The following ERCC1 variants were observed in gnomAD, a reference collection of about 807,000 sequenced individuals.
ERCC1 encodes ERCC excision repair 1, endonuclease non-catalytic subunit, also known as DNA excision repair protein ERCC-1.
Under a neutral mutation model 37.6 loss-of-function variants are expected in ERCC1, and 36 were observed. The observed-to-expected ratio is 0.96, with a 90% CI of 0.73 to 1.26. The LOEUF (loss-of-function observed/expected upper bound fraction) is 1.26, where lower values mean the gene tolerates loss of function less well. Ranked by LOEUF, ERCC1 falls within the 50% of genes most tolerant of loss-of-function variation. The pLI, the probability that ERCC1 is intolerant of heterozygous loss-of-function variation, is 0.00. For synonymous variants in ERCC1, 156 were observed against 162.1 expected (o/e 0.96, Z 0.28); for missense variants, 349 against 376.5 (o/e 0.93, Z 0.60).
At chr19:45,442,325 A>G (rs1975142612) in intron 1 of ERCC1, among the ~76,000 whole-genome samples, 1 of 143,888 alleles carries the variant, frequency 6.9e-6, no homozygotes, top group South Asian at 2.4e-4. Flanking sequence ...CAAAAAAAAA[A>G]AAAAGAAAAA....
intron 9 of ERCC1, chr19:45,410,385 A>G (rs1973642424): frequency 6.6e-6 from 1 of 152,092 alleles, no homozygotes; most frequent in South Asian, 2.1e-4. Context: ...GGGTTTCACC[A>G]TATTGGCCAG....
chr19:45,413,791 T>C, intron 8 of ERCC1, 46 bp from the exon 9 acceptor site: 1 of 1,610,528 alleles, frequency 6.2e-7, no homozygotes, highest in South Asian at 1.1e-5. Context: ...CACAAAAGCC[T>C]CCCCTGTCCC....
At chr19:45,438,702 C>G (rs1204918077) in intron 1 of ERCC1, among the ~76,000 whole-genome samples, 1 of 152,002 alleles carries the variant, frequency 6.6e-6, no homozygotes, top group Non-Finnish European at 1.5e-5. Flanking sequence ...AGTGCAATGG[C>G]TGGATCTCGG....
In ERCC1 at chr19:45,423,843, A is replaced by G. The variant is rs1974592492; in HGVS notation, c.-70T>C. On this transcript the variant is annotated 5_prime_UTR_variant, in exon 1 of 10. Transcript: ENST00000300853. Reference sequence around the variant, plus strand: ...CTCACCTGCTGGTCTTGGAGCCTCAAGGGAAAGACTGCAGAGGGATCGAGG... The same window carrying G: ...CTCACCTGCTGGTCTTGGAGCCTCAGGGGAAAGACTGCAGAGGGATCGAGG... The G allele has an allele frequency of 7.9e-6, 9 of 1,137,534 alleles. No individual in the cohort carries two copies. The highest frequency in any genetic ancestry group is 3.2e-5 in the African/African-American group (2 of 63,398). 70.5% of individuals were successfully genotyped at this position (1,137,534 alleles called of 1,614,324 possible). A position where few individuals can be genotyped will look rare whatever the true frequency, so the allele number is the denominator to read the frequency against.
chr19:45,420,223 C>T lies in ERCC1; in HGVS notation c.425+101G>A. ...AAGGCCCAGAACCTGCAGGACCATG[C>T]CCAGAGGCTTCTCATAGAACAGTCC... On this transcript the variant is annotated intron_variant, in intron 4 of 9. Coordinates refer to ENST00000300853, the MANE Select transcript of ERCC1 (RefSeq NM_001983.4). The surrounding 1 kb of genome is among the most constrained non-coding windows in gnomAD (Gnocchi z 4.8). 4.9e-6 allele frequency: 4 copies of T among 819,374 alleles called. No homozygotes were observed. Among genetic ancestry groups the T allele is most frequent in the Non-Finnish European group, 8.2e-6 (4 of 486,830 alleles). 50.8% of individuals were successfully genotyped at this position (819,374 alleles called of 1,614,324 possible). A position where few individuals can be genotyped will look rare whatever the true frequency, so the allele number is the denominator to read the frequency against.
At chr19:45,447,121 G>T (rs1011736318) in intron 1 of ERCC1, among the ~76,000 whole-genome samples, 7 of 152,284 alleles carry the variant, frequency 4.6e-5, no homozygotes, top group South Asian at 2.1e-4. Context: ...CCAGCATCTG[G>T]CTCCCACATC....
At chr19:45,441,325 C>G (rs932719652) in intron 1 of ERCC1, among the ~76,000 whole-genome samples, 1 of 152,178 alleles carries the variant, frequency 6.6e-6, no homozygotes, top group Non-Finnish European at 1.5e-5. Context: ...TTGGGCCTGG[C>G]CCTGACCCTG....
chr19:45,423,887 G>T lies in ERCC1; in HGVS notation c.-114C>A, dbSNP rs1974597140. ...ATCGAGGCGGCCCACTGCCAGCACG[G>T]CCAGCGTGGCCCAGGGCTCGCAGCA... On this transcript the variant is annotated 5_prime_UTR_variant, in exon 1 of 10. Coordinates refer to ENST00000300853, the MANE Select transcript of ERCC1 (RefSeq NM_001983.4). 1.8e-6 allele frequency: 2 copies of T among 1,103,652 alleles called. No individual in the cohort carries two copies. Among genetic ancestry groups the T allele is most frequent in the Admixed American group, 9.1e-5 (2 of 21,892 alleles). The allele number at this position is 1,103,652 out of a possible 1,614,324, so 68.4% of individuals were successfully genotyped here.
chr19:45,443,531 C>G (rs566472859), intron 1 of ERCC1, among the ~76,000 whole-genome samples: 28 of 152,312 alleles, frequency 1.8e-4, no homozygotes, highest in African/African-American at 6.7e-4. Context: ...ACGTCACGAG[C>G]CGCTCCCCCA....
Position 45,408,106 on chromosome 19 carries a change from C to T in ERCC1, c.*1569G>A. ...CTTCCCTCTCCTGTTCCACTTAAGC[C>T]TCTGCCCTCCCTGTTTCTCTCTGTA... On this transcript the variant is annotated 3_prime_UTR_variant, in exon 10 of 10. Transcript: ENST00000300853. 6.4e-7 allele frequency: 1 copy of T among 1,566,772 alleles called. No homozygotes were observed.
intron 9 of ERCC1, 167 bp from the exon 10 acceptor site, chr19:45,409,892 A>AT (rs200386912): frequency 0.012 from 2,455 of 206,140 alleles, 17 homozygotes; most frequent in Middle Eastern, 0.017. Flanking sequence ...TATTATTATT[A>AT]TTATTTTTTT....
chr19:45,415,444 G>A (rs756591661), intron 6 of ERCC1, among the ~76,000 whole-genome samples: 3 of 149,886 alleles, frequency 2.0e-5, no homozygotes, highest in Non-Finnish European at 4.4e-5. Context: ...AGACCATCCC[G>A]ACTAACATGG....
intron 1 of ERCC1, among the ~76,000 whole-genome samples, chr19:45,443,282 G>T (rs1913130580): frequency 6.6e-6 from 1 of 152,148 alleles, no homozygotes; most frequent in African/African-American, 2.4e-5. Context: ...TCACTGCTGT[G>T]TCCCCATCAC....
intron 1 of ERCC1, among the ~76,000 whole-genome samples, chr19:45,447,278 T>TC (rs1302021048): frequency 6.7e-6 from 1 of 149,654 alleles, no homozygotes; most frequent in Non-Finnish European, 1.5e-5. Context: ...TTCTTTTTTT[T>TC]TTTTTTTTTT....
At chr19:45,430,644 G>A (rs993805063) in intron 1 of ERCC1, among the ~76,000 whole-genome samples, 1 of 152,118 alleles carries the variant, frequency 6.6e-6, no homozygotes, top group African/African-American at 2.4e-5. Context: ...GGGGCGCGGT[G>A]GCTCATGCCT....
In ERCC1 at chr19:45,409,045, C is replaced by T. The variant is rs201152485; in HGVS notation, c.*630G>A. Reference sequence around the variant, plus strand: ...AGCCGGAGATGAAGCCTCTGGAGTCCCCAGGGGGGACCATGGCGCCTCAAC... The same window carrying T: ...AGCCGGAGATGAAGCCTCTGGAGTCTCCAGGGGGGACCATGGCGCCTCAAC... On this transcript the variant is annotated 3_prime_UTR_variant, in exon 10 of 10. Coordinates refer to ENST00000300853, the MANE Select transcript of ERCC1 (RefSeq NM_001983.4). The T allele has an allele frequency of 5.0e-6, 8 of 1,614,016 alleles. No individual in the cohort carries two copies. The highest frequency in any genetic ancestry group is 1.3e-5 in the African/African-American group (1 of 75,016).
At chr19:45,435,459 C>T (rs1218790622) in intron 1 of ERCC1, among the ~76,000 whole-genome samples, 1 of 152,138 alleles carries the variant, frequency 6.6e-6, no homozygotes, top group East Asian at 1.9e-4. Flanking sequence ...ACTCAATAAA[C>T]ATTCTGGCCT....
chr19:45,423,397 C>A lies in ERCC1; in HGVS notation c.-7-16G>T. ...CATCTGGAGCCTGAAAGGGAAGGTGCCAGGAGCGAGTGAGCCACTGGCGTC... is the reference window on the plus strand; with the variant it reads ...CATCTGGAGCCTGAAAGGGAAGGTGACAGGAGCGAGTGAGCCACTGGCGTC... On this transcript the variant is annotated splice_polypyrimidine_tract_variant and intron_variant, in intron 1 of 9. Transcript: ENST00000300853. The A allele has an allele frequency of 6.2e-7, 1 of 1,600,306 alleles. No homozygotes were observed. The highest frequency in any genetic ancestry group is 8.5e-7 in the Non-Finnish European group (1 of 1,173,826).
At chr19:45,438,157 G>A (rs1282334552) in intron 1 of ERCC1, among the ~76,000 whole-genome samples, 3 of 152,008 alleles carry the variant, frequency 2.0e-5, no homozygotes, top group Admixed American at 6.6e-5. Flanking sequence ...TGATCCACCC[G>A]CCTCCGTCTC....
Sources: gnomAD v4.1 joint callset for allele counts (sites outside exome capture counted in the v4.1 genomes callset) on GRCh38, gnomAD v4.1.1 for gene constraint, Gnocchi (gnomAD v3.1) non-coding constraint, MANE v1.5 for transcripts, NCBI Gene and HGNC (gene_info 2026-07-23, HGNC 2026-07-21) for gene names.